SH3BGR: variants seen among roughly 807,000 people sequenced by gnomAD.
SH3BGR encodes SH3 domain-binding glutamic acid-rich protein.
Under a neutral mutation model 24.5 loss-of-function variants are expected in SH3BGR, and 29 were observed. The ratio of observed to expected loss-of-function variants is 1.18; its 90% confidence interval spans 0.88 to 1.61. The LOEUF (loss-of-function observed/expected upper bound fraction) is 1.61, where lower values mean the gene tolerates loss of function less well. Ranked by LOEUF, SH3BGR falls within the 40% of genes most tolerant of loss-of-function variation. The pLI is 0.00. For missense variants in SH3BGR, 162 were observed against 205.8 expected, an observed-to-expected ratio of 0.79 and a Z score of 1.30; for synonymous variants, 55 against 65.7, an observed-to-expected ratio of 0.84 and a Z score of 0.79.
intron 1 of SH3BGR, among the ~76,000 whole-genome samples, chr21:39,459,878 T>G (rs770807964): frequency 6.6e-6 from 1 of 152,206 alleles, no homozygotes; most frequent in Non-Finnish European, 1.5e-5. Context: ...CTGATTACAC[T>G]TTTTGTAAGT....
intron 3 of SH3BGR, among the ~76,000 whole-genome samples, chr21:39,482,537 TTAGA>T (rs1471297487): frequency 6.6e-6 from 1 of 152,226 alleles, no homozygotes; most frequent in African/African-American, 2.4e-5. Context: ...GCCCTTGTTT[TTAGA>T]AGATGATACT....
rs377288270 is a variant in SH3BGR, at chr21:39,503,317, A to G, written c.405+3402A>G. Reference sequence around the variant, plus strand: ...TGTGCCCTTCACCCAACTTCCCCAAATGGTGACATCTCATCTAGCCTTAAT... The same window carrying G: ...TGTGCCCTTCACCCAACTTCCCCAAGTGGTGACATCTCATCTAGCCTTAAT... On this transcript the variant is annotated intron_variant, in intron 4 of 6. Coordinates refer to ENST00000333634, the MANE Select transcript of SH3BGR (RefSeq NM_007341.3). Among the ~76,000 whole-genome samples the G allele has an allele frequency of 7.9e-5, 12 of 152,286 alleles. No individual in the cohort carries two copies. The East Asian group carries it at 1.2e-3, about 15-fold the overall frequency.
In SH3BGR at chr21:39,508,860, T is replaced by G. The variant is rs532371002; in HGVS notation, c.406-138T>G. ...ACCCAGCTATCATATCTTTGCTATT[T>G]ACTTATTTTATGGATAAACTAATGT... On this transcript the variant is annotated intron_variant, in intron 4 of 6. Coordinates refer to ENST00000333634, the MANE Select transcript of SH3BGR (RefSeq NM_007341.3). 12 of 581,448 alleles carry G rather than the reference T, an allele frequency of 2.1e-5. No homozygotes were observed. The South Asian group carries it at 3.2e-4, about 16-fold the overall frequency. The allele number at this position is 581,448 out of a possible 1,614,324, so 36.0% of individuals were successfully genotyped here.
At chr21:39,508,883 T>C in intron 4 of SH3BGR, 115 bp from the exon 5 acceptor site, 1 of 685,896 alleles carries the variant, frequency 1.5e-6, no homozygotes, top group Non-Finnish European at 2.5e-6. Flanking sequence ...GATAAACTAA[T>C]GTGTTGTTCA....
chr21:39,469,169 A>G (rs1199985148), intron 2 of SH3BGR, among the ~76,000 whole-genome samples: 1 of 151,912 alleles, frequency 6.6e-6, no homozygotes, highest in Non-Finnish European at 1.5e-5. Context: ...GAAATTTCCC[A>G]TGTACCCCCT....
chr21:39,504,261 T>G (rs1050030959), intron 4 of SH3BGR, among the ~76,000 whole-genome samples: 1 of 152,138 alleles, frequency 6.6e-6, no homozygotes, highest in African/African-American at 2.4e-5. Flanking sequence ...GGGCAAACAT[T>G]GATGTAGGTT....
At chr21:39,491,413 GTGT>G in intron 3 of SH3BGR, 1 of 158,122 alleles carries the variant, frequency 6.3e-6, no homozygotes, top group South Asian at 1.8e-4. Context: ...GCCTCCCAAA[GTGT>G]TGTTGGGATT....
At chr21:39,501,601 T>TC (rs1205492188) in intron 4 of SH3BGR, among the ~76,000 whole-genome samples, 4 of 152,230 alleles carry the variant, frequency 2.6e-5, no homozygotes, top group Non-Finnish European at 5.9e-5. Flanking sequence ...ATGCCATTTA[T>TC]CCTACAGAAA....
intron 4 of SH3BGR, among the ~76,000 whole-genome samples, chr21:39,503,523 G>T (rs1280518159): frequency 6.6e-6 from 1 of 152,182 alleles, no homozygotes; most frequent in African/African-American, 2.4e-5. Flanking sequence ...ATGTTCAGTT[G>T]AGTGATAAAC....
At chr21:39,484,735 C>T (rs564781115) in intron 3 of SH3BGR, among the ~76,000 whole-genome samples, 9 of 152,310 alleles carry the variant, frequency 5.9e-5, no homozygotes, top group African/African-American at 1.4e-4. Context: ...CAAAGAACCC[C>T]GCTAATTAGC....
At chr21:39,463,496 T>C (rs2077790190) in intron 2 of SH3BGR, among the ~76,000 whole-genome samples, 1 of 152,202 alleles carries the variant, frequency 6.6e-6, no homozygotes, top group Admixed American at 6.5e-5. Context: ...AAATGAGAGC[T>C]GTGTGAAGTA....
chr21:39,466,350 G>A (rs2077841897), intron 2 of SH3BGR, among the ~76,000 whole-genome samples: 1 of 152,138 alleles, frequency 6.6e-6, no homozygotes, highest in East Asian at 1.9e-4. Context: ...TAAATTATCT[G>A]TGCTTTTTCT....
intron 1 of SH3BGR, among the ~76,000 whole-genome samples, chr21:39,453,665 C>T (rs2077610412): frequency 6.6e-6 from 1 of 152,126 alleles, no homozygotes; most frequent in Non-Finnish European, 1.5e-5. Flanking sequence ...CTTGGAAAAG[C>T]CATTAGTTTT....
At chr21:39,469,815 C>T (rs1307898976) in intron 2 of SH3BGR, among the ~76,000 whole-genome samples, 2 of 151,576 alleles carry the variant, frequency 1.3e-5, no homozygotes, top group Non-Finnish European at 2.9e-5. Context: ...CCACCACGCC[C>T]GGTTAATTTT....
chr21:39,497,163 A>G (rs1457197726), intron 3 of SH3BGR, among the ~76,000 whole-genome samples: 1 of 150,584 alleles, frequency 6.6e-6, no homozygotes, highest in Non-Finnish European at 1.5e-5. Flanking sequence ...ATATGTTTAT[A>G]TAAAATATTT....
intron 6 of SH3BGR, among the ~76,000 whole-genome samples, chr21:39,513,795 A>C (rs116808870): frequency 6.6e-6 from 1 of 152,102 alleles, no homozygotes; most frequent in Non-Finnish European, 1.5e-5. Flanking sequence ...ACAAAGCAAA[A>C]CCCACAGTAA....
intron 4 of SH3BGR, among the ~76,000 whole-genome samples, chr21:39,504,477 G>C (rs932836759): frequency 6.6e-6 from 1 of 152,168 alleles, no homozygotes; most frequent in Non-Finnish European, 1.5e-5. Context: ...CCTGTCCTTA[G>C]TTCTGGCCAC....
At chr21:39,510,109 A>AT (rs1362658347) in intron 5 of SH3BGR, among the ~76,000 whole-genome samples, 2 of 143,376 alleles carry the variant, frequency 1.4e-5, no homozygotes, top group African/African-American at 2.8e-5. Flanking sequence ...CGCCCGGCTA[A>AT]TTTTTTGTAT....
intron 3 of SH3BGR, among the ~76,000 whole-genome samples, chr21:39,482,239 T>G (rs1165811172): frequency 6.6e-6 from 1 of 152,158 alleles, no homozygotes; most frequent in Non-Finnish European, 1.5e-5. Flanking sequence ...AAACAAAAAT[T>G]TGGAACATTC....
Sources: gnomAD v4.1 joint callset for allele counts (sites outside exome capture counted in the v4.1 genomes callset) on GRCh38, gnomAD v4.1.1 for gene constraint, MANE v1.5 for transcripts, NCBI Gene and HGNC (gene_info 2026-07-23, HGNC 2026-07-21) for gene names.